NT5C2: variants seen among roughly 807,000 people sequenced by gnomAD.
NT5C2 encodes the protein cytosolic purine 5'-nucleotidase.
NT5C2 carries 58 observed loss-of-function variants against 76.1 expected under a neutral mutation model. The ratio of observed to expected loss-of-function variants is 0.76; its 90% CI spans 0.62 to 0.95. The LOEUF (loss-of-function observed/expected upper bound fraction) is 0.95, where lower values mean the gene tolerates loss of function less well. Ranked by LOEUF, NT5C2 falls within the 40% of genes least tolerant of loss-of-function variation. The probability of loss-of-function intolerance (pLI) is 0.00; values close to 1 mark genes in which losing one functional copy is unlikely to be tolerated. For missense variants in NT5C2, 478 were observed against 690.3 expected, an observed-to-expected ratio of 0.69 and a Z score of 3.45; for synonymous variants, 229 against 237.4, an observed-to-expected ratio of 0.96 and a Z score of 0.32.
intron 4 of NT5C2, among the ~76,000 whole-genome samples, chr10:103,122,442 T>C (rs1333528968): frequency 6.6e-6 from 1 of 152,210 alleles, no homozygotes; most frequent in Non-Finnish European, 1.5e-5. Context: ...TGATATCTCA[T>C]CTAGAGTTAC....
At chr10:103,164,600 C>A (rs1388354721) in intron 3 of NT5C2, among the ~76,000 whole-genome samples, 2 of 151,956 alleles carry the variant, frequency 1.3e-5, no homozygotes, top group African/African-American at 4.8e-5. Context: ...TGTCCACCAA[C>A]AGAAAATAAA....
rs201368291 is a variant in NT5C2, at chr10:103,123,855, GA to G, written c.175+15550del. Among the ~76,000 whole-genome samples, 1,255 of 149,786 alleles carry G rather than the reference GA, an allele frequency of 8.4e-3. 24 individuals are homozygous for G. The highest frequency in any genetic ancestry group is 0.073 in the East Asian group (374 of 5,092). Reference sequence around the variant, plus strand: ...ACTCAAGCCTTCGAAATTGGGGGGGGAAAAAAAAAGTCATTATGATTTCCCA... The same window carrying G: ...ACTCAAGCCTTCGAAATTGGGGGGGGAAAAAAAAGTCATTATGATTTCCCA... On this transcript the variant is annotated intron_variant, in intron 4 of 18. Transcript: ENST00000404739.
intron 2 of NT5C2, among the ~76,000 whole-genome samples, chr10:103,177,567 G>C (rs2090233762): frequency 1.3e-5 from 2 of 152,148 alleles, no homozygotes; most frequent in South Asian, 4.1e-4. Flanking sequence ...TGTTGCCCAG[G>C]CTGGAGTGCA....
intron 8 of NT5C2, among the ~76,000 whole-genome samples, chr10:103,100,284 G>A (rs1223722285): frequency 1.3e-5 from 2 of 152,218 alleles, no homozygotes; most frequent in Admixed American, 6.5e-5. Flanking sequence ...TTCCAAAAAT[G>A]TCAGGTTTTT....
At chr10:103,168,338 G>A (rs1160309517) in intron 3 of NT5C2, among the ~76,000 whole-genome samples, 1 of 152,210 alleles carries the variant, frequency 6.6e-6, no homozygotes, top group East Asian at 1.9e-4. Context: ...CAGAAATTCT[G>A]TTCTACTGGA....
In NT5C2 at chr10:103,095,848, T is replaced by G. The variant is rs2068038075; in HGVS notation, c.813+91A>C. 2.5e-6 allele frequency: 3 copies of G among 1,197,726 alleles called. No homozygotes were observed. The Admixed American group carries it at 5.4e-5, about 22-fold the overall frequency. The allele number at this position is 1,197,726 out of a possible 1,614,324, so 74.2% of individuals were successfully genotyped here. On this transcript the variant is annotated intron_variant, in intron 12 of 18. Transcript: ENST00000404739. ...AAAAAGTAGGACTTTTCTGGGTGGGTTCTGACCAATTCTTTCCCCCTTAAT... is the reference window on the plus strand; with the variant it reads ...AAAAAGTAGGACTTTTCTGGGTGGGGTCTGACCAATTCTTTCCCCCTTAAT...
At chr10:103,119,071 T>C (rs1448161601) in intron 4 of NT5C2, among the ~76,000 whole-genome samples, 4 of 152,292 alleles carry the variant, frequency 2.6e-5, no homozygotes, top group Admixed American at 6.5e-5. Flanking sequence ...GATAAATCTC[T>C]CAAGAATAAG....
chr10:103,161,217 A>T (rs1215767130), intron 3 of NT5C2, among the ~76,000 whole-genome samples: 1 of 152,208 alleles, frequency 6.6e-6, no homozygotes, highest in East Asian at 1.9e-4. Flanking sequence ...TCCCTCTGTC[A>T]TCCAGGCTGG....
In NT5C2 at chr10:103,132,339, C is replaced by T. The variant is rs546311547; in HGVS notation, c.175+7067G>A. On this transcript the variant is annotated intron_variant, in intron 4 of 18. Transcript: ENST00000404739. ...AGATAAGACAACTAAATGCAATATG[C>T]GATTCGGGACTGGATCCTAGAATAA... Among the ~76,000 whole-genome samples the T allele has an allele frequency of 4.6e-5, 7 of 151,558 alleles. No individual in the cohort carries two copies. The South Asian group carries it at 6.3e-4, about 14-fold the overall frequency.
At chr10:103,113,058 A>G (rs2073446050) in intron 4 of NT5C2, among the ~76,000 whole-genome samples, 1 of 152,208 alleles carries the variant, frequency 6.6e-6, no homozygotes, top group Non-Finnish European at 1.5e-5. Context: ...AGATATTTTC[A>G]TATCTTTCTA....
intron 4 of NT5C2, among the ~76,000 whole-genome samples, chr10:103,130,950 A>G (rs1020321475): frequency 2.6e-5 from 4 of 152,086 alleles, no homozygotes; most frequent in African/African-American, 9.7e-5. Flanking sequence ...CTAAATCCCA[A>G]CCCCCATCCT....
Position 103,094,339 on chromosome 10 carries a change from A to T in NT5C2, c.921+9T>A. The T allele has an allele frequency of 6.6e-7, 1 of 1,516,088 alleles. No homozygotes were observed. 93.9% of individuals were successfully genotyped at this position (1,516,088 alleles called of 1,614,324 possible). On this transcript the variant is annotated intron_variant, in intron 13 of 18. Transcript: ENST00000404739. Reference sequence around the variant, plus strand: ...TGTGCTAGCAAGACAGATCATTCTCATGACTTACAGTATCCACCTGACGCA... The same window carrying T: ...TGTGCTAGCAAGACAGATCATTCTCTTGACTTACAGTATCCACCTGACGCA...
At chr10:103,156,918 G>A (rs1015422444) in intron 3 of NT5C2, among the ~76,000 whole-genome samples, 6 of 144,078 alleles carry the variant, frequency 4.2e-5, no homozygotes, top group African/African-American at 1.3e-4. Context: ...TTAACCACGC[G>A]TGGTGGCACG....
At chr10:103,100,582 G>A (rs541754995) in intron 8 of NT5C2, 5 of 437,462 alleles carry the variant, frequency 1.1e-5, no homozygotes, top group African/African-American at 2.0e-5. Context: ...TAAGACTTAC[G>A]CAAAATTTTA....
intron 10 of NT5C2, chr10:103,098,684 C>T: frequency 4.5e-6 from 2 of 449,242 alleles, no homozygotes; most frequent in Non-Finnish European, 7.9e-6. Context: ...AAATGCAATA[C>T]TGAGTCTTCT....
At position 103,181,324 on chromosome 10, in the gene NT5C2, A is replaced by C. The variant is rs1299283166; in HGVS notation, c.-164T>G. ...GTACTCCAGCCTGGGCAGCAGAGCG[A>C]AACTCTGTCTCAAAAAAAAAAAAAA... is the stretch of plus-strand genomic sequence containing the variant. On this transcript the variant is annotated 5_prime_UTR_variant, in exon 2 of 19. Coordinates refer to ENST00000404739, the MANE Select transcript of NT5C2 (RefSeq NM_001351169.2). 3 of 149,322 alleles carry C rather than the reference A, an allele frequency of 2.0e-5. No homozygotes were observed. Among genetic ancestry groups the C allele is most frequent in the South Asian group, 2.1e-4 (1 of 4,750 alleles). 9.2% of individuals were successfully genotyped at this position (149,322 alleles called of 1,614,324 possible). A position where few individuals can be genotyped will look rare whatever the true frequency, so the allele number is the denominator to read the frequency against.
chr10:103,135,162 G>C (rs2078943190), intron 4 of NT5C2, among the ~76,000 whole-genome samples: 1 of 152,180 alleles, frequency 6.6e-6, no homozygotes, highest in African/African-American at 2.4e-5. Flanking sequence ...AGGCATGATT[G>C]GTTTTGAAAT....
chr10:103,102,109 G>T (rs1466015378), intron 6 of NT5C2, among the ~76,000 whole-genome samples: 1 of 152,142 alleles, frequency 6.6e-6, no homozygotes, highest in Non-Finnish European at 1.5e-5. Context: ...GAAAGACAAT[G>T]TGATGCACTC....
chr10:103,098,696 G>A, intron 10 of NT5C2: 1 of 471,878 alleles, frequency 2.1e-6, no homozygotes, highest in Non-Finnish European at 3.8e-6. Flanking sequence ...GAGTCTTCTT[G>A]CCTATCAAGA....
Sources: gnomAD v4.1 joint callset for allele counts (sites outside exome capture counted in the v4.1 genomes callset) on GRCh38, gnomAD v4.1.1 for gene constraint, MANE v1.5 for transcripts, NCBI Gene and HGNC (gene_info 2026-07-23, HGNC 2026-07-21) for gene names.